Variants in GABRG3 observed in about 807,000 individuals in gnomAD.
GABRG3 encodes the protein gamma-aminobutyric acid type A receptor subunit gamma3.
GABRG3 carries 25 observed loss-of-function variants against 48.8 expected under a neutral mutation model. That is an observed-to-expected ratio of 0.51 (90% CI 0.37 to 0.72). The LOEUF (loss-of-function observed/expected upper bound fraction) is 0.72. Ranked by LOEUF, GABRG3 falls within the 30% of genes least tolerant of loss-of-function variation. GABRG3 has a pLI of 0.00. For synonymous variants in GABRG3, 227 were observed against 217.6 expected (o/e 1.04, Z -0.38); for missense variants, 394 against 577.9 (o/e 0.68, Z 3.26).
intron 5 of GABRG3, among the ~76,000 whole-genome samples, chr15:27,408,247 CAG>C (rs914250062): frequency 4.6e-5 from 7 of 152,154 alleles, no homozygotes; most frequent in Non-Finnish European, 7.3e-5. Flanking sequence ...TGCCAGGTCT[CAG>C]AAATTGTATT....
At chr15:27,228,774 G>A (rs1039342771) in intron 3 of GABRG3, among the ~76,000 whole-genome samples, 3 of 152,234 alleles carry the variant, frequency 2.0e-5, no homozygotes, top group African/African-American at 7.2e-5. Context: ...GCTGTGAGAT[G>A]GTATCTCATT....
Position 26,973,175 on chromosome 15 carries a change from A to G in GABRG3, c.53+1587A>G, listed in dbSNP as rs926928462. Among the ~76,000 whole-genome samples, 5 of 152,320 alleles carry G rather than the reference A, an allele frequency of 3.3e-5. No homozygotes were observed. In the South Asian group the frequency reaches 8.3e-4, roughly 25 times the overall value. On this transcript the variant is annotated intron_variant, in intron 1 of 9. Transcript: ENST00000615808. The stretch of plus-strand genomic sequence containing the variant: ...CTGGATTCTTAACATTCTAGAAGAA[A>G]CACTGCCTATTGTCCTCACTACTGC...
intron 5 of GABRG3, among the ~76,000 whole-genome samples, chr15:27,345,573 T>A (rs1894337420): frequency 6.6e-6 from 1 of 152,240 alleles, no homozygotes. Context: ...TACAAAGTTA[T>A]CCTTTATAAA....
At chr15:27,399,633 C>T (rs550342232) in intron 5 of GABRG3, among the ~76,000 whole-genome samples, 33 of 152,282 alleles carry the variant, frequency 2.2e-4, no homozygotes, top group African/African-American at 7.2e-4. Flanking sequence ...CTGTGCTTGA[C>T]CTTGGGGCCC....
intron 3 of GABRG3, among the ~76,000 whole-genome samples, chr15:27,049,371 T>G (rs1896418045): frequency 6.6e-6 from 1 of 152,220 alleles, no homozygotes; most frequent in African/African-American, 2.4e-5. Flanking sequence ...AATTTCACTA[T>G]CTTCCTGGAG....
At chr15:27,147,194 T>C (rs1362611301) in intron 3 of GABRG3, among the ~76,000 whole-genome samples, 2 of 151,998 alleles carry the variant, frequency 1.3e-5, no homozygotes, top group Non-Finnish European at 2.9e-5. Flanking sequence ...AGATACACAT[T>C]TATCTTATAT....
At chr15:27,294,452 G>A (rs147357257) in intron 3 of GABRG3, among the ~76,000 whole-genome samples, 2,817 of 152,172 alleles carry the variant, frequency 0.019, 100 homozygotes, top group African/African-American at 0.065. Flanking sequence ...CTTGGGTCAA[G>A]GGATCCTCCT....
Position 27,451,487 on chromosome 15 carries a change from T to C in GABRG3, c.575-29163T>C, listed in dbSNP as rs572005289. Among the ~76,000 whole-genome samples, 19 of 152,254 alleles carry C rather than the reference T, an allele frequency of 1.2e-4. No homozygotes were observed. The South Asian group carries it at 3.9e-3, about 32-fold the overall frequency. Reference sequence around the variant, plus strand: ...ATGTTGGGAAAACTGTATAGACATATGCAAAAGAATGAAATTGGACCCTTA... The same window carrying C: ...ATGTTGGGAAAACTGTATAGACATACGCAAAAGAATGAAATTGGACCCTTA... On this transcript the variant is annotated intron_variant, in intron 5 of 9. Coordinates refer to ENST00000615808, the MANE Select transcript of GABRG3 (RefSeq NM_033223.5).
chr15:27,514,991 C>A (rs1209979914), intron 6 of GABRG3, among the ~76,000 whole-genome samples: 4 of 152,152 alleles, frequency 2.6e-5, no homozygotes, highest in African/African-American at 9.7e-5. Flanking sequence ...GGAACAAATT[C>A]TCAAGAATGA....
At chr15:27,013,309 C>A (rs1895722289) in intron 2 of GABRG3, among the ~76,000 whole-genome samples, 1 of 152,062 alleles carries the variant, frequency 6.6e-6, no homozygotes, top group Non-Finnish European at 1.5e-5. Flanking sequence ...TTTCATTCAC[C>A]TGTTGATTGA....
intron 5 of GABRG3, among the ~76,000 whole-genome samples, chr15:27,436,589 A>G (rs1369183976): frequency 5.9e-5 from 9 of 152,260 alleles, no homozygotes; most frequent in Non-Finnish European, 1.3e-4. Context: ...CTTGTTAAAC[A>G]TACAAGTGGA....
At chr15:27,217,209 A>G (rs767517786) in intron 3 of GABRG3, among the ~76,000 whole-genome samples, 5 of 152,306 alleles carry the variant, frequency 3.3e-5, no homozygotes, top group Middle Eastern at 3.4e-3. Flanking sequence ...GGCTATAAAG[A>G]CACTTGCACA....
intron 3 of GABRG3, among the ~76,000 whole-genome samples, chr15:27,126,389 C>G (rs373011912): frequency 2.6e-5 from 4 of 152,196 alleles, no homozygotes; most frequent in Non-Finnish European, 5.9e-5. Flanking sequence ...TAACATTTGA[C>G]TTGCATTCGG....
intron 3 of GABRG3, among the ~76,000 whole-genome samples, chr15:27,229,235 T>A (rs77049144): frequency 0.026 from 3,887 of 152,326 alleles, 180 homozygotes; most frequent in African/African-American, 0.089. Context: ...TTGAGTTGAT[T>A]CTTGTATATG....
In GABRG3 at chr15:27,309,280, A is replaced by G. The variant is rs185918577; in HGVS notation, c.271-17529A>G. Among the ~76,000 whole-genome samples, 1,180 of 151,288 alleles carry G rather than the reference A, an allele frequency of 7.8e-3. 10 individuals are homozygous for G. The highest frequency in any genetic ancestry group is 0.012 in the Admixed American group (177 of 15,132). On this transcript the variant is annotated intron_variant, in intron 3 of 9. Transcript: ENST00000615808. ...TATACACGTACACATACATATGTAT[A>G]TGAATTCTGTGTTTTATATATGTGT... is the stretch of plus-strand genomic sequence containing the variant.
intron 3 of GABRG3, among the ~76,000 whole-genome samples, chr15:27,161,489 A>G (rs572402144): frequency 1.3e-4 from 20 of 152,236 alleles, no homozygotes; most frequent in Middle Eastern, 6.8e-3. Context: ...TACGTTTTTA[A>G]TGATGCTTTT....
chr15:27,514,235 A>G (rs1890966582), intron 6 of GABRG3, among the ~76,000 whole-genome samples: 1 of 152,222 alleles, frequency 6.6e-6, no homozygotes, highest in African/African-American at 2.4e-5. Context: ...AGTTTAACAA[A>G]TTGCCACAAA....
intron 5 of GABRG3, among the ~76,000 whole-genome samples, chr15:27,331,513 C>G (rs959671988): frequency 6.6e-6 from 1 of 152,142 alleles, no homozygotes; most frequent in Non-Finnish European, 1.5e-5. Context: ...TACTCTGATT[C>G]CAGCTATATG....
chr15:27,262,389 C>A lies in GABRG3; in HGVS notation c.271-64420C>A, dbSNP rs1890794263. Among the ~76,000 whole-genome samples, 2 of 151,356 alleles carry A rather than the reference C, an allele frequency of 1.3e-5. 1 individual carries two copies. Among genetic ancestry groups the A allele is most frequent in the South Asian group, 4.2e-4 (2 of 4,774 alleles). On this transcript the variant is annotated intron_variant, in intron 3 of 9. Coordinates refer to ENST00000615808, the MANE Select transcript of GABRG3 (RefSeq NM_033223.5). Reference sequence around the variant, plus strand: ...AGAATGCAACAGGATGTGTAGAGCTCATCACCACTGAGGGCCTTAGTGATT... The same window carrying A: ...AGAATGCAACAGGATGTGTAGAGCTAATCACCACTGAGGGCCTTAGTGATT...
Sources: gnomAD v4.1 joint callset for allele counts (sites outside exome capture counted in the v4.1 genomes callset) on GRCh38, gnomAD v4.1.1 for gene constraint, MANE v1.5 for transcripts, NCBI Gene and HGNC (gene_info 2026-07-23, HGNC 2026-07-21) for gene names.